The following ZNF671 variants were observed in gnomAD, a reference collection of about 807,000 sequenced individuals.
ZNF671 encodes the protein zinc finger protein 671.
Under a neutral mutation model 16.6 loss-of-function variants are expected in ZNF671, and 19 were observed. The observed-to-expected ratio is 1.14, with a 90% CI of 0.80 to 1.68. The LOEUF is 1.68. Among genes scored for constraint, ZNF671 ranks in the 40% most tolerant of loss-of-function variants. The pLI, the probability that ZNF671 is intolerant of heterozygous loss-of-function variation, is 0.00. For missense variants in ZNF671, 637 were observed against 659.8 expected, an observed-to-expected ratio of 0.97 and a Z score of 0.38; for synonymous variants, 238 against 236.3, an observed-to-expected ratio of 1.01 and a Z score of -0.06.
rs748049331 is a variant in ZNF671, at chr19:57,727,465, G to A, written c.64C>T (p.Arg22Ter). The A allele has an allele frequency of 3.1e-6, 5 of 1,613,024 alleles. No individual in the cohort carries two copies. The highest frequency in any genetic ancestry group is 3.4e-6 in the Non-Finnish European group (4 of 1,179,648). ...GCCGGGAGCGGCAGGCGTCTCGATC[G>A]GGGACGCAGGCACTTCCGTCCCTGC... Reference protein sequence around the residue: ...ALQGRKCLRPRSRRLPLPAAV... With the variant: ...ALQGRKCLRP Residue 22 changes from arginine to a stop codon, truncating the protein, a stop_gained, in exon 1 of 4, where the codon CGA (arginine) becomes TGA (stop). Transcript: ENST00000317398. LOFTEE classifies it high-confidence loss of function.
At chr19:57,722,181 G>C (rs937307005) in intron 3 of ZNF671, 135 bp downstream of exon 3, 1 of 1,375,868 alleles carries the variant, frequency 7.3e-7, no homozygotes, top group Non-Finnish European at 9.8e-7. Flanking sequence ...ATATATCTTC[G>C]TGTCAAGAAC....
Position 57,722,611 on chromosome 19 carries a change from G to A in ZNF671, c.266-173C>T, listed in dbSNP as rs138493734. 2.3e-3 allele frequency among the ~76,000 whole-genome samples: 352 copies of A among 152,264 alleles called. 2 individuals are homozygous for A. The highest frequency in any genetic ancestry group is 8.0e-3 in the African/African-American group (332 of 41,550). On this transcript the variant is annotated intron_variant, in intron 2 of 3. Transcript: ENST00000317398. ...CTCCTGACAAGGTCAGGCCCTAGAA[G>A]ATGTCACCTGAGCTGGGCGCAGTGG... is the stretch of plus-strand genomic sequence containing the variant.
At position 57,727,591 on chromosome 19, in the gene ZNF671, A is replaced by G. The variant is rs1304375914; in HGVS notation, c.-63T>C. The G allele has an allele frequency of 8.4e-6, 13 of 1,549,868 alleles. No individual in the cohort carries two copies. Among genetic ancestry groups the G allele is most frequent in the African/African-American group, 1.4e-5 (1 of 73,244 alleles). ...ACACAAGCGTTACAGAACCCCGGCC[A>G]GGGACAGCCTGACAGAAACAAAATG... On this transcript the variant is annotated 5_prime_UTR_variant, in exon 1 of 4. Transcript: ENST00000317398.
intron 3 of ZNF671, chr19:57,722,102 A>C: frequency 4.4e-6 from 3 of 680,980 alleles, no homozygotes; most frequent in Non-Finnish European, 7.2e-6. Flanking sequence ...TAGACAGAGA[A>C]GTGGTGAAAC....
At chr19:57,726,123 ACCCCACCCCTCCCACCT>A (rs1435117401) in intron 1 of ZNF671, among the ~76,000 whole-genome samples, 3 of 17,078 alleles carry the variant, frequency 1.8e-4, no homozygotes, top group Non-Finnish European at 3.6e-4. Context: ...TCCCCACCCC[ACCCCACCCCTCCCACCT>A]CCCCACCCCC....
chr19:57,722,501 G>A, intron 2 of ZNF671, 63 bp from the exon 3 acceptor site: 1 of 1,596,672 alleles, frequency 6.3e-7, no homozygotes, highest in South Asian at 1.1e-5. Flanking sequence ...CCCTATGATG[G>A]ACTTCAGGTA....
rs1196859122 is a variant in ZNF671, at chr19:57,720,665, G to A, written c.1421C>T (p.Ser474Phe). ...SKLIQHQKVH[S>F]GEKPYECSKC... ...GCTGCACTCATAAGGCTTTTCTCCA[G>A]AGTGAACTTTCTGGTGCTGAATGAG... is the stretch of plus-strand genomic sequence containing the variant. Residue 474 changes from serine to phenylalanine, a missense_variant, in exon 4 of 4, where the codon TCT (serine) becomes TTT (phenylalanine). Physicochemically the swap from Ser to Phe is radical, Grantham distance 155. Coordinates refer to ENST00000317398, the MANE Select transcript of ZNF671 (RefSeq NM_024833.3). 1.2e-6 allele frequency: 2 copies of A among 1,614,196 alleles called. No homozygotes were observed. The highest frequency in any genetic ancestry group is 1.3e-5 in the African/African-American group (1 of 75,054).
chr19:57,724,395 C>T (rs1360282508), intron 1 of ZNF671, among the ~76,000 whole-genome samples: 3 of 152,160 alleles, frequency 2.0e-5, no homozygotes, highest in Non-Finnish European at 4.4e-5. Context: ...AACTTGAACT[C>T]TTAGAGGCCA....
chr19:57,727,392 C>T lies in ZNF671; in HGVS notation c.137G>A (p.Arg46Gln). The change falls in exon 1 of 4, where the codon CGG (arginine) becomes CAG (glutamine). Residue 46 changes from arginine to glutamine, a missense_variant and splice_region_variant. By Grantham distance (43) the Arg-to-Gln change is conservative. Transcript: ENST00000317398. ...GPMAELTDSA[R>Q]GCVVFEDVFV... ...GGGCCCGGAGGACGCAGCACCCACC[C>T]GCGCGGAGTCCGTTAGCTCCGCCAT... 6.3e-7 allele frequency: 1 copy of T among 1,598,094 alleles called. No homozygotes were observed. The highest frequency in any genetic ancestry group is 8.6e-7 in the Non-Finnish European group (1 of 1,168,588).
chr19:57,723,805 C>T (rs1225359681), intron 1 of ZNF671, among the ~76,000 whole-genome samples: 3 of 147,378 alleles, frequency 2.0e-5, no homozygotes, highest in Non-Finnish European at 4.5e-5. Context: ...TTGCCGAAGG[C>T]AGATCACGAG....
intron 1 of ZNF671, among the ~76,000 whole-genome samples, chr19:57,725,214 A>G (rs987388440): frequency 1.3e-5 from 2 of 151,584 alleles, no homozygotes; most frequent in African/African-American, 4.9e-5. Context: ...CTGTAATCCC[A>G]GCACTTTGGG....
chr19:57,725,838 G>A lies in ZNF671; in HGVS notation c.138+1553C>T, dbSNP rs888754827. Among the ~76,000 whole-genome samples, 7 of 150,724 alleles carry A rather than the reference G, an allele frequency of 4.6e-5. 1 individual carries two copies. Among genetic ancestry groups the A allele is most frequent in the Admixed American group, 1.3e-4 (2 of 15,104 alleles). Reference sequence around the variant, plus strand: ...AATCCCAGCTACTGGGAAAACTGAGGCAGGAGAATCACTTGAATCTGGGAG... The same window carrying A: ...AATCCCAGCTACTGGGAAAACTGAGACAGGAGAATCACTTGAATCTGGGAG... On this transcript the variant is annotated intron_variant, in intron 1 of 3. Transcript: ENST00000317398.
chr19:57,722,340 C>G lies in ZNF671; in HGVS notation c.364G>C (p.Glu122Gln). 1 of 1,614,136 alleles carries G rather than the reference C, an allele frequency of 6.2e-7. No homozygotes were observed. The change falls in exon 3 of 4, where the codon GAG (glutamate) becomes CAG (glutamine). Residue 122 changes from glutamate to glutamine, a missense_variant. Coordinates refer to ENST00000317398, the MANE Select transcript of ZNF671 (RefSeq NM_024833.3). ...QVDMTSATER[E>Q]AQRGLRPGCW... ...CCAGGTCTAAGTCCCCTCTGGGCCTCTCTTTCTGTGGCTGAAGTCATATCC... is the reference window on the plus strand; with the variant it reads ...CCAGGTCTAAGTCCCCTCTGGGCCTGTCTTTCTGTGGCTGAAGTCATATCC...
Position 57,721,426 on chromosome 19 carries a change from G to A in ZNF671, c.660C>T (p.Phe220=), listed in dbSNP as rs145479762. 1.1e-4 allele frequency: 176 copies of A among 1,614,078 alleles called. No individual in the cohort carries two copies. The highest frequency in any genetic ancestry group is 1.5e-4 in the Non-Finnish European group (172 of 1,180,060). ...HQNQPNGGKL[F]PRKEGRDSVK... ...CAGAGTCTCTGCCCTCCTTCCTTGG[G>A]AAAAGTTTCCCTCCATTGGGCTGGT... Residue 220 remains phenylalanine (F), a synonymous_variant, in exon 4 of 4, where the codon TTC becomes TTT. Coordinates refer to ENST00000317398, the MANE Select transcript of ZNF671 (RefSeq NM_024833.3).
At chr19:57,724,686 C>T (rs1257591164) in intron 1 of ZNF671, among the ~76,000 whole-genome samples, 5 of 152,176 alleles carry the variant, frequency 3.3e-5, no homozygotes, top group South Asian at 2.1e-4. Flanking sequence ...CCACCATGCC[C>T]GGCTAATTTT....
intron 3 of ZNF671, 155 bp from the exon 4 acceptor site, chr19:57,721,852 T>G: frequency 1.9e-6 from 2 of 1,068,036 alleles, no homozygotes; most frequent in Non-Finnish European, 2.6e-6. Context: ...GGCTTTGAGG[T>G]AGTGAGCCTC....
chr19:57,724,527 A>ATTT (rs3062203), intron 1 of ZNF671, among the ~76,000 whole-genome samples: 2,801 of 143,550 alleles, frequency 0.02, 53 homozygotes, highest in Non-Finnish European at 0.03. Flanking sequence ...ACACATAACA[A>ATTT]TTTTTTTTTT....
rs1985818919 is a variant in ZNF671, at chr19:57,720,590, T to G, written c.1496A>C (p.Lys499Thr). 1 of 1,613,900 alleles carries G rather than the reference T, an allele frequency of 6.2e-7. No individual in the cohort carries two copies. The highest frequency in any genetic ancestry group is 1.1e-5 in the South Asian group (1 of 91,080). The change falls in exon 4 of 4, where the codon AAA (lysine) becomes ACA (threonine). Residue 499 changes from lysine (K) to threonine (T), a missense_variant. Physicochemically the swap from Lys to Thr is moderately conservative, Grantham distance 78 (BLOSUM62 -1). Transcript: ENST00000317398. ...ATAAGGCCTTTCCCCAGTGTGGACTTTCCAGTGCCTGATGAGGTTGGGTCT... is the reference window on the plus strand; with the variant it reads ...ATAAGGCCTTTCCCCAGTGTGGACTGTCCAGTGCCTGATGAGGTTGGGTCT... The part of the protein sequence containing the change: ...TQRPNLIRHW[K>T]VHTGERPYVC...
chr19:57,721,934 A>ACT (rs1985890559), intron 3 of ZNF671: 1 of 612,788 alleles, frequency 1.6e-6, no homozygotes, highest in Admixed American at 3.1e-5. Flanking sequence ...AATGGCTTCC[A>ACT]GTAGGGCCTT....
Sources: allele counts gnomAD v4.1 joint callset (sites outside exome capture counted in the v4.1 genomes callset), GRCh38; gene constraint gnomAD v4.1.1; transcripts MANE v1.5; gene names NCBI Gene and HGNC (gene_info 2026-07-23, HGNC 2026-07-21).